WDR37: variants seen among roughly 807,000 people sequenced by gnomAD.
WDR37 encodes the protein WD repeat domain 37, also known as WD repeat-containing protein 37.
A neutral mutation model predicts 62.9 loss-of-function variants in WDR37; 19 were observed. The ratio of observed to expected loss-of-function variants is 0.30; its 90% CI spans 0.21 to 0.44. WDR37 has a LOEUF of 0.44. WDR37 is among the 20% of genes least tolerant of loss of function. The probability of loss-of-function intolerance (pLI) is 1.00; values close to 1 mark genes in which losing one functional copy is unlikely to be tolerated. For synonymous variants in WDR37, 250 were observed against 260.9 expected, an observed-to-expected ratio of 0.96 and a Z score of 0.40; for missense variants, 474 against 657.6, an observed-to-expected ratio of 0.72 and a Z score of 3.05.
chr10:1,122,921 G>A (rs1041912975), intron 11 of WDR37, among the ~76,000 whole-genome samples: 23 of 152,130 alleles, frequency 1.5e-4, no homozygotes, highest in Middle Eastern at 3.2e-3. Context: ...ATTTTACCAC[G>A]GGTAAGACTA....
intron 11 of WDR37, among the ~76,000 whole-genome samples, chr10:1,120,856 T>C (rs1835555478): frequency 6.6e-6 from 1 of 152,262 alleles, no homozygotes; most frequent in Admixed American, 6.5e-5. Context: ...TCTGTGTCTC[T>C]GTGTGACTGG....
In WDR37 at chr10:1,079,755, G is replaced by T. The variant is rs1002057165; in HGVS notation, c.236-256G>T. ...TTGGTCAGGCTGGTCTCAAACTCCT[G>T]ACCTCGTGATCCACCTGCCTTGGCC... On this transcript the variant is annotated intron_variant, in intron 3 of 13. Coordinates refer to ENST00000263150, the MANE Select transcript of WDR37 (RefSeq NM_014023.4). Among the ~76,000 whole-genome samples the T allele has an allele frequency of 2.6e-5, 4 of 152,036 alleles. No individual in the cohort carries two copies. The East Asian group carries it at 5.8e-4, about 22-fold the overall frequency.
intron 11 of WDR37, 58 bp from the exon 12 acceptor site, chr10:1,124,160 G>T (rs771980055): frequency 2.5e-6 from 4 of 1,606,402 alleles, no homozygotes; most frequent in Middle Eastern, 1.7e-4. Flanking sequence ...TGTGTGTGGG[G>T]TGTGGTGTCA....
chr10:1,124,777 G>A, intron 12 of WDR37, 133 bp from the exon 13 acceptor site: 1 of 1,177,362 alleles, frequency 8.5e-7, no homozygotes. Context: ...TAAGCAGGTG[G>A]TACACGCAGT....
intron 3 of WDR37, among the ~76,000 whole-genome samples, chr10:1,078,247 C>A (rs542482411): frequency 6.6e-6 from 1 of 152,172 alleles, no homozygotes; most frequent in Non-Finnish European, 1.5e-5. Context: ...TGGATCTTAT[C>A]ATTTTCCCTA....
At chr10:1,125,348 C>T (rs953969414) in intron 13 of WDR37, among the ~76,000 whole-genome samples, 6 of 152,072 alleles carry the variant, frequency 3.9e-5, no homozygotes, top group South Asian at 2.1e-4. Context: ...CTCAATCTCC[C>T]GAGTAGCTGA....
Position 1,121,548 on chromosome 10 carries a change from G to A in WDR37, c.1104-2670G>A, listed in dbSNP as rs548467724. Among the ~76,000 whole-genome samples the A allele has an allele frequency of 9.2e-5, 14 of 152,262 alleles. No individual in the cohort carries two copies. Among genetic ancestry groups the A allele is most frequent in the African/African-American group, 3.1e-4 (13 of 41,542 alleles). Reference sequence around the variant, plus strand: ...TCTGCCCATGCTGCTCTCGTAACCCGTGCTGCTCTCGTTACCCAGGCTGGG... The same window carrying A: ...TCTGCCCATGCTGCTCTCGTAACCCATGCTGCTCTCGTTACCCAGGCTGGG... On this transcript the variant is annotated intron_variant, in intron 11 of 13. Transcript: ENST00000263150. The surrounding 1 kb of genome is among the most constrained non-coding windows in gnomAD (Gnocchi z 4.5).
At chr10:1,064,354 A>G (rs1164207393) in intron 1 of WDR37, among the ~76,000 whole-genome samples, 2 of 152,048 alleles carry the variant, frequency 1.3e-5, no homozygotes, top group Non-Finnish European at 2.9e-5. Context: ...GTCTAGAAAG[A>G]GAGAAGGACG....
At chr10:1,126,377 G>T (rs1013363619) in intron 13 of WDR37, among the ~76,000 whole-genome samples, 2 of 148,556 alleles carry the variant, frequency 1.3e-5, no homozygotes, top group South Asian at 2.1e-4. Context: ...CTGCACTCCA[G>T]CCTGGGCGAC....
At chr10:1,062,560 A>G (rs1380120149) in intron 1 of WDR37, among the ~76,000 whole-genome samples, 1 of 152,220 alleles carries the variant, frequency 6.6e-6, no homozygotes, top group African/African-American at 2.4e-5. Flanking sequence ...GACAGCTTTC[A>G]CAGGCTTTTG....
At chr10:1,100,668 A>G (rs1834763581) in intron 9 of WDR37, among the ~76,000 whole-genome samples, 1 of 152,174 alleles carries the variant, frequency 6.6e-6, no homozygotes, top group Non-Finnish European at 1.5e-5. Flanking sequence ...CAACAGAATG[A>G]CTGTCACATG....
At chr10:1,128,712 G>C (rs902775696) in intron 13 of WDR37, among the ~76,000 whole-genome samples, 1 of 152,184 alleles carries the variant, frequency 6.6e-6, no homozygotes, top group Admixed American at 6.5e-5. Flanking sequence ...GACTCATACA[G>C]TGCTTTTGGG....
At chr10:1,112,361 G>A (rs1234730274) in intron 11 of WDR37, among the ~76,000 whole-genome samples, 2 of 152,178 alleles carry the variant, frequency 1.3e-5, no homozygotes, top group Non-Finnish European at 2.9e-5. Context: ...TGTTCCGACT[G>A]CCCCACTAAC....
chr10:1,081,687 A>C (rs1834034799), intron 5 of WDR37, among the ~76,000 whole-genome samples: 1 of 152,156 alleles, frequency 6.6e-6, no homozygotes, highest in South Asian at 2.1e-4. Flanking sequence ...TTATACTTAC[A>C]AGTTTTGAAC....
chr10:1,094,681 A>G (rs2131643814), intron 8 of WDR37, among the ~76,000 whole-genome samples: 1 of 152,352 alleles, frequency 6.6e-6, no homozygotes, highest in South Asian at 2.1e-4. Context: ...GGGCTGGAAA[A>G]GAGGGTGGAA....
At position 1,072,207 on chromosome 10, in the gene WDR37, C is replaced by T. The variant is rs947829094; in HGVS notation, c.52C>T (p.Arg18Cys). The T allele has an allele frequency of 8.7e-6, 14 of 1,614,002 alleles. No individual in the cohort carries two copies. The highest frequency in any genetic ancestry group is 2.7e-5 in the African/African-American group (2 of 74,906). ...CSTARQTKQK[R>C]KSHSLSIRRT... Reference sequence around the variant, plus strand: ...GACTGCTCGCCAAACAAAACAGAAGCGCAAATCCCATAGCCTTTCTATACG... The same window carrying T: ...GACTGCTCGCCAAACAAAACAGAAGTGCAAATCCCATAGCCTTTCTATACG... Residue 18 changes from arginine (R) to cysteine (C), a missense_variant, in exon 2 of 14, where the codon CGC (arginine) becomes TGC (cysteine). Coordinates refer to ENST00000263150, the MANE Select transcript of WDR37 (RefSeq NM_014023.4).
chr10:1,071,861 TTTTTTAAATTTTAAACCTC>T (rs1325170273), intron 1 of WDR37, among the ~76,000 whole-genome samples: 3 of 152,162 alleles, frequency 2.0e-5, no homozygotes, highest in Non-Finnish European at 4.4e-5. Context: ...GAGCAATTTT[TTTTTTAAATTTTAAACCTC>T]TTTTTTGCCA....
In WDR37 at chr10:1,130,501, G is replaced by C. The variant is rs927180467; in HGVS notation, c.*1157G>C. 6 of 152,646 alleles carry C rather than the reference G, an allele frequency of 3.9e-5. No homozygotes were observed. The highest frequency in any genetic ancestry group is 7.3e-5 in the Non-Finnish European group (5 of 68,062). The allele number at this position is 152,646 out of a possible 1,614,324, so 9.5% of individuals were successfully genotyped here. On this transcript the variant is annotated 3_prime_UTR_variant, in exon 14 of 14. Coordinates refer to ENST00000263150, the MANE Select transcript of WDR37 (RefSeq NM_014023.4). ...TCAGTGCCAGTCCCGCCACTGCTGA[G>C]TGAGCCTGGTGTTCTTGCCTTCTTG...
At chr10:1,120,747 C>G (rs5014941) in intron 11 of WDR37, among the ~76,000 whole-genome samples, 87,538 of 152,112 alleles carry the variant, frequency 0.58, 26,425 homozygotes, top group Non-Finnish European at 0.67. Flanking sequence ...GATGTCGTGC[C>G]GGAAAAGCAC....
Sources: allele counts gnomAD v4.1 joint callset (sites outside exome capture counted in the v4.1 genomes callset), GRCh38; gene constraint gnomAD v4.1.1; non-coding constraint Gnocchi (gnomAD v3.1); transcripts MANE v1.5; gene names NCBI Gene and HGNC (gene_info 2026-07-23, HGNC 2026-07-21).